KAZN: variants seen among roughly 807,000 people sequenced by gnomAD.
KAZN encodes kazrin.
A neutral mutation model predicts 87.4 loss-of-function variants in KAZN; 40 were observed. That is an observed-to-expected ratio of 0.46 (90% CI 0.36 to 0.60). The LOEUF (loss-of-function observed/expected upper bound fraction) is 0.60. Among genes scored for constraint, KAZN ranks in the 20% least tolerant of loss-of-function variants. The pLI is 0.00. For missense variants in KAZN, 898 were observed against 1,073.9 expected, an observed-to-expected ratio of 0.84 and a Z score of 2.29; for synonymous variants, 466 against 458.3, an observed-to-expected ratio of 1.02 and a Z score of -0.22.
intron 1 of KAZN, among the ~76,000 whole-genome samples, chr1:14,157,005 TGTA>T (rs1645609633): frequency 6.6e-6 from 1 of 151,934 alleles, no homozygotes. Flanking sequence ...CATGTATCCT[TGTA>T]GTTTTTTGAT....
chr1:14,265,028 C>T (rs907171268), intron 2 of KAZN, among the ~76,000 whole-genome samples: 3 of 152,186 alleles, frequency 2.0e-5, no homozygotes, highest in Non-Finnish European at 4.4e-5. Flanking sequence ...ATTTTATCTT[C>T]ATATAGTTTA....
intron 1 of KAZN, among the ~76,000 whole-genome samples, chr1:14,801,724 C>T (rs1646032699): frequency 6.6e-6 from 1 of 150,398 alleles, no homozygotes. Context: ...CGCTTTGTTG[C>T]CCAGGCTGGA....
intron 1 of KAZN, among the ~76,000 whole-genome samples, chr1:14,775,989 C>T (rs1645164917): frequency 6.6e-6 from 1 of 152,326 alleles, no homozygotes; most frequent in South Asian, 2.1e-4. Context: ...TCCTGGACTT[C>T]CACTGTGGGG....
intron 2 of KAZN, among the ~76,000 whole-genome samples, chr1:14,296,663 T>C (rs1392180088): frequency 1.2e-5 from 1 of 86,906 alleles, no homozygotes; most frequent in African/African-American, 5.1e-5. Flanking sequence ...TGAGACAAAA[T>C]CTTGCTCTGT....
chr1:14,180,192 C>T (rs1646167584), intron 1 of KAZN, among the ~76,000 whole-genome samples: 1 of 152,040 alleles, frequency 6.6e-6, no homozygotes, highest in Admixed American at 6.5e-5. Context: ...CCATGTCAGG[C>T]TTTGCTCACA....
At position 14,278,986 on chromosome 1, in the gene KAZN, A is replaced by G. The variant is rs78411600; in HGVS notation, c.249+98394A>G. Among the ~76,000 whole-genome samples, 965 of 140,070 alleles carry G rather than the reference A, an allele frequency of 6.9e-3. 6 individuals carry two copies. The highest frequency in any genetic ancestry group is 0.011 in the Non-Finnish European group (736 of 66,952). The allele number at this position is 140,070 out of a possible 152,430, so 91.9% of individuals were successfully genotyped here. A position where few individuals can be genotyped will look rare whatever the true frequency, so the allele number is the denominator to read the frequency against. Reference sequence around the variant, plus strand: ...CTATTTCCAACATGCCACTGCGTCAATCAGGAGGTAGATAATGTCTGTTTT... The same window carrying G: ...CTATTTCCAACATGCCACTGCGTCAGTCAGGAGGTAGATAATGTCTGTTTT... On this transcript the variant is annotated intron_variant, in intron 2 of 16. Coordinates refer to the KAZN transcript ENST00000636203.
intron 2 of KAZN, among the ~76,000 whole-genome samples, chr1:14,408,443 A>G (rs183431661): frequency 8.7e-4 from 132 of 152,326 alleles, no homozygotes; most frequent in Non-Finnish European, 1.5e-3. Flanking sequence ...TTGGGCTGCT[A>G]TAACTAAAGC....
At chr1:14,841,732 C>A (rs781280628) in intron 1 of KAZN, among the ~76,000 whole-genome samples, 1 of 152,216 alleles carries the variant, frequency 6.6e-6, no homozygotes, top group Non-Finnish European at 1.5e-5. Flanking sequence ...TTCCTTTCTT[C>A]TCTTTTTTTC....
At chr1:14,266,709 C>T (rs938594290) in intron 2 of KAZN, among the ~76,000 whole-genome samples, 3 of 152,216 alleles carry the variant, frequency 2.0e-5, no homozygotes, top group Admixed American at 6.5e-5. Flanking sequence ...AAGGGACACT[C>T]GCACCCCCCC....
At chr1:14,554,909 C>T (rs1673768053) in intron 2 of KAZN, among the ~76,000 whole-genome samples, 1 of 152,214 alleles carries the variant, frequency 6.6e-6, no homozygotes, top group South Asian at 2.1e-4. Context: ...AACATTGCTT[C>T]TTCAAAACAC....
At chr1:14,441,278 TA>T (rs1228744769) in intron 2 of KAZN, among the ~76,000 whole-genome samples, 12 of 152,176 alleles carry the variant, frequency 7.9e-5, no homozygotes, top group Non-Finnish European at 1.2e-4. Flanking sequence ...TATATATATA[TA>T]TATTTTAAAC....
chr1:13,923,588 A>AAAAG (rs570521859), intron 1 of KAZN, among the ~76,000 whole-genome samples: 31,231 of 139,532 alleles, frequency 0.22, 4,302 homozygotes, highest in African/African-American at 0.34. Flanking sequence ...AAAAAAAAAA[A>AAAAG]AAAATATAAT....
In KAZN at chr1:14,667,315, G is replaced by A. The variant is rs117986030; in HGVS notation, c.226+68092G>A. Among the ~76,000 whole-genome samples, 59 of 152,282 alleles carry A rather than the reference G, an allele frequency of 3.9e-4. 1 individual carries two copies. The East Asian group carries it at 0.011, about 27-fold the overall frequency. ...ACATGGTTTTCAGCTCTCCTTGAAG[G>A]CGCGGACCTCCAGAAGGGTTCACGT... On this transcript the variant is annotated intron_variant, in intron 1 of 14. Coordinates refer to ENST00000376030, the MANE Select transcript of KAZN (RefSeq NM_201628.3).
intron 2 of KAZN, among the ~76,000 whole-genome samples, chr1:14,380,358 A>G (rs1661265927): frequency 6.6e-6 from 1 of 152,224 alleles, no homozygotes. Flanking sequence ...CATGAACTCA[A>G]CAAATGAACT....
intron 2 of KAZN, among the ~76,000 whole-genome samples, chr1:15,026,309 G>A (rs946479852): frequency 1.3e-5 from 2 of 152,224 alleles, no homozygotes; most frequent in Non-Finnish European, 2.9e-5. Flanking sequence ...GTCACATAGA[G>A]CCTTGCCAGG....
chr1:14,976,527 G>A (rs143654098), intron 2 of KAZN, among the ~76,000 whole-genome samples: 2 of 152,334 alleles, frequency 1.3e-5, no homozygotes, highest in African/African-American at 2.4e-5. Context: ...CACATTGCCC[G>A]AGGGAAGAAA....
chr1:14,297,138 C>T (rs773479940), intron 2 of KAZN, among the ~76,000 whole-genome samples: 4 of 152,070 alleles, frequency 2.6e-5, no homozygotes, highest in African/African-American at 4.8e-5. Context: ...CTTATTTTCT[C>T]CCCCACAAGA....
intron 2 of KAZN, among the ~76,000 whole-genome samples, chr1:14,240,394 G>A (rs889934140): frequency 1.3e-5 from 2 of 152,334 alleles, no homozygotes; most frequent in South Asian, 2.1e-4. Flanking sequence ...CCATGGGGAA[G>A]ACACCATTGC....
intron 1 of KAZN, among the ~76,000 whole-genome samples, chr1:14,805,632 A>G (rs942792435): frequency 1.3e-5 from 2 of 151,932 alleles, no homozygotes; most frequent in Non-Finnish European, 2.9e-5. Flanking sequence ...GTGGCTCATG[A>G]CTGTAATCCC....
Sources: allele counts gnomAD v4.1 joint callset (sites outside exome capture counted in the v4.1 genomes callset), GRCh38; gene constraint gnomAD v4.1.1; transcripts MANE v1.5; gene names NCBI Gene and HGNC (gene_info 2026-07-23, HGNC 2026-07-21).